ANO3: variants seen among roughly 807,000 people sequenced by gnomAD.
ANO3 encodes anoctamin-3.
A neutral mutation model predicts 144.8 loss-of-function variants in ANO3; 99 were observed. The observed-to-expected ratio is 0.68, with a 90% CI of 0.58 to 0.81. ANO3 has a LOEUF of 0.81. ANO3 is among the 30% of genes least tolerant of loss of function. The pLI, the probability that ANO3 is intolerant of heterozygous loss-of-function variation, is 0.00. For missense variants in ANO3, 905 were observed against 1,202.2 expected (o/e 0.75, Z 3.66); for synonymous variants, 414 against 392.6 (o/e 1.05, Z -0.64).
intron 1 of ANO3, among the ~76,000 whole-genome samples, chr11:26,434,210 AG>A (rs1858216121): frequency 6.6e-6 from 1 of 151,998 alleles, no homozygotes; most frequent in Admixed American, 6.6e-5. Flanking sequence ...GTGTGCCTAG[AG>A]GTGTTCATTA....
At chr11:26,653,110 T>C (rs900649433) in intron 24 of ANO3, among the ~76,000 whole-genome samples, 2 of 152,198 alleles carry the variant, frequency 1.3e-5, no homozygotes, top group African/African-American at 4.8e-5. Flanking sequence ...CTTGACCATC[T>C]AATTCAGTTT....
intron 5 of ANO3, among the ~76,000 whole-genome samples, chr11:26,509,672 A>G (rs1184086071): frequency 6.6e-6 from 1 of 152,192 alleles, no homozygotes; most frequent in Non-Finnish European, 1.5e-5. Context: ...AAGGAAAAAA[A>G]AACTGTTTTT....
At chr11:26,404,949 G>A (rs865922460) in intron 1 of ANO3, among the ~76,000 whole-genome samples, 193 of 146,360 alleles carry the variant, frequency 1.3e-3, no homozygotes, top group Middle Eastern at 3.4e-3. Context: ...GTGTGTGTGT[G>A]TGTGTGTGTG....
chr11:26,615,414 AT>A lies in ANO3; in HGVS notation c.1837-9036del, dbSNP rs66840659. Among the ~76,000 whole-genome samples the A allele has an allele frequency of 3.4e-3, 450 of 130,682 alleles. 2 individuals carry two copies. The highest frequency in any genetic ancestry group is 0.011 in the East Asian group (51 of 4,706). 85.7% of individuals were successfully genotyped at this position (130,682 alleles called of 152,430 possible). On this transcript the variant is annotated intron_variant, in intron 17 of 26. Coordinates refer to ENST00000256737, the MANE Select transcript of ANO3 (RefSeq NM_031418.4). Reference sequence around the variant, plus strand: ...TCAGTTTATATATATATATATATATATTTTTTTTTTTTCAGTTCCTCAATGG... The same window carrying A: ...TCAGTTTATATATATATATATATATATTTTTTTTTTTCAGTTCCTCAATGG...
intron 4 of ANO3, among the ~76,000 whole-genome samples, chr11:26,496,619 G>T (rs992767113): frequency 3.3e-5 from 5 of 152,098 alleles, no homozygotes; most frequent in African/African-American, 1.2e-4. Context: ...TGGGCTTTTA[G>T]TGTAACCATC....
intron 18 of ANO3, among the ~76,000 whole-genome samples, chr11:26,626,943 T>C (rs548762826): frequency 6.6e-6 from 1 of 152,274 alleles, no homozygotes; most frequent in African/African-American, 2.4e-5. Flanking sequence ...TTCTATGTCA[T>C]CCAGTTCCAG....
At chr11:26,285,332 T>C (rs985025122) in intron 1 of ANO3, among the ~76,000 whole-genome samples, 1 of 152,178 alleles carries the variant, frequency 6.6e-6, no homozygotes, top group African/African-American at 2.4e-5. Flanking sequence ...AATCTAAAAA[T>C]AAAGCAAGAC....
At chr11:26,625,115 CG>C (rs1852540439) in intron 18 of ANO3, among the ~76,000 whole-genome samples, 1 of 151,984 alleles carries the variant, frequency 6.6e-6, no homozygotes, top group South Asian at 2.1e-4. Context: ...TTAGTAGAGA[CG>C]GGGTTTCACC....
At chr11:26,415,234 A>T (rs1401630850) in intron 1 of ANO3, among the ~76,000 whole-genome samples, 1 of 152,078 alleles carries the variant, frequency 6.6e-6, no homozygotes, top group African/African-American at 2.4e-5. Flanking sequence ...TAGACCTGCT[A>T]GGAATTTCAG....
intron 1 of ANO3, among the ~76,000 whole-genome samples, chr11:26,384,860 C>T (rs1237306225): frequency 2.0e-5 from 3 of 152,192 alleles, no homozygotes; most frequent in African/African-American, 2.4e-5. Flanking sequence ...ATTCTGTGAA[C>T]GTCTCTCTTT....
intron 1 of ANO3, among the ~76,000 whole-genome samples, chr11:26,378,658 T>G (rs1023903): frequency 6.6e-6 from 1 of 152,032 alleles, no homozygotes; most frequent in Non-Finnish European, 1.5e-5. Context: ...TAAAATAAAA[T>G]GATGACTGTA....
intron 1 of ANO3, among the ~76,000 whole-genome samples, chr11:26,348,720 AT>A (rs1855559825): frequency 1.3e-5 from 2 of 152,188 alleles, no homozygotes; most frequent in Admixed American, 6.5e-5. Context: ...CATTCAACAA[AT>A]TTTACAAGGC....
At chr11:26,254,329 A>T (rs2133822015) in intron 1 of ANO3, among the ~76,000 whole-genome samples, 1 of 152,272 alleles carries the variant, frequency 6.6e-6, no homozygotes, top group African/African-American at 2.4e-5. Context: ...CCTCAAATCG[A>T]GAAAAGGTAA....
intron 1 of ANO3, among the ~76,000 whole-genome samples, chr11:26,250,004 C>T (rs1852890435): frequency 1.3e-5 from 2 of 152,106 alleles, no homozygotes; most frequent in South Asian, 4.1e-4. Flanking sequence ...GTTGTTATTT[C>T]TAATGGGAAG....
At chr11:26,366,766 T>C (rs923564907) in intron 1 of ANO3, among the ~76,000 whole-genome samples, 6 of 139,928 alleles carry the variant, frequency 4.3e-5, no homozygotes, top group African/African-American at 1.5e-4. Flanking sequence ...GTTGGCTGCA[T>C]AAATGTCTTC....
In ANO3 at chr11:26,537,421, T is replaced by A. The variant is rs751447376; in HGVS notation, c.992T>A (p.Ile331Lys). ...CTCTTTGCAGGTATCCGTAAACTTATAAACAATGGCTCATACATAGCAGCG... is the reference window on the plus strand; with the variant it reads ...CTCTTTGCAGGTATCCGTAAACTTAAAAACAATGGCTCATACATAGCAGCG... ...GISKVGIRKL[I>K]NNGSYIAAFP... The change falls in exon 10 of 27, where the codon ATA becomes AAA. Residue 331 changes from isoleucine to lysine, a missense_variant. Physicochemically the swap from Ile to Lys is moderately radical, Grantham distance 102 (BLOSUM62 -3). Around this residue, in one of 4 missense-constraint regions of ANO3, gnomAD observed 597 missense variants for 865.1 expected, o/e 0.69. Coordinates refer to ENST00000256737, the MANE Select transcript of ANO3 (RefSeq NM_031418.4). The A allele has an allele frequency of 6.2e-7, 1 of 1,613,762 alleles. No homozygotes were observed. The highest frequency in any genetic ancestry group is 8.5e-7 in the Non-Finnish European group (1 of 1,179,610).
intron 12 of ANO3, among the ~76,000 whole-genome samples, chr11:26,552,114 T>C (rs1849948873): frequency 6.6e-6 from 1 of 152,040 alleles, no homozygotes; most frequent in East Asian, 1.9e-4. Context: ...TTGAACATTG[T>C]TTTTCTCTTT....
rs1253729092 is a variant in ANO3 at position 26,365,975 on chromosome 11, TATATATATATATATATA to T, written c.46+33655_46+33671del. Among the ~76,000 whole-genome samples the T allele has an allele frequency of 1.7e-3, 149 of 87,532 alleles. 3 individuals carry two copies. Among genetic ancestry groups the T allele is most frequent in the African/African-American group, 5.0e-3 (127 of 25,620 alleles). 57.4% of individuals were successfully genotyped at this position (87,532 alleles called of 152,430 possible). A position where few individuals can be genotyped will look rare whatever the true frequency, so the allele number is the denominator to read the frequency against. ...TTCTTTATATATATATATATATATA[TATATATATATATATATA>T]TATATATATATTTTAATTATACTTT... On this transcript the variant is annotated intron_variant, in intron 1 of 26. Coordinates refer to ENST00000256737, the MANE Select transcript of ANO3 (RefSeq NM_031418.4).
At chr11:26,298,899 C>A (rs1473719020) in intron 1 of ANO3, among the ~76,000 whole-genome samples, 1 of 152,122 alleles carries the variant, frequency 6.6e-6, no homozygotes, top group African/African-American at 2.4e-5. Context: ...GTCTGGGAGC[C>A]AAGATCAGAG....
Sources: allele counts gnomAD v4.1 joint callset (sites outside exome capture counted in the v4.1 genomes callset), GRCh38; gene constraint gnomAD v4.1.1; regional missense constraint gnomAD v4.1.1; transcripts MANE v1.5; gene names NCBI Gene and HGNC (gene_info 2026-07-23, HGNC 2026-07-21).